Variants in NOP14 observed in about 807,000 individuals in gnomAD.
NOP14 encodes nucleolar protein 14.
A neutral mutation model predicts 101.6 loss-of-function variants in NOP14; 57 were observed. The ratio of observed to expected loss-of-function variants is 0.56; its 90% CI spans 0.45 to 0.70. NOP14 has a LOEUF of 0.70. NOP14 is among the 30% of genes least tolerant of loss of function. NOP14 has a pLI of 0.00. For missense variants in NOP14, 1,134 were observed against 1,075.5 expected (o/e 1.05, Z -0.76); for synonymous variants, 428 against 424.0 (o/e 1.01, Z -0.12).
intron 3 of NOP14, among the ~76,000 whole-genome samples, chr4:2,955,376 G>A (rs1250605699): frequency 2.6e-5 from 3 of 115,898 alleles, no homozygotes; most frequent in African/African-American, 1.0e-4. Context: ...GGACCACGGC[G>A]CCCCCTCTAG....
chr4:2,953,336 G>C (rs1715148034), intron 5 of NOP14, among the ~76,000 whole-genome samples, 175 bp downstream of exon 5: 2 of 152,146 alleles, frequency 1.3e-5, no homozygotes, highest in Non-Finnish European at 2.9e-5. Context: ...TCAAGTAACT[G>C]AATCTACTTC....
chr4:2,963,167 G>A lies in NOP14; in HGVS notation c.153C>T (p.Asp51=). The change falls in exon 1 of 18, where the codon GAC becomes GAT. Residue 51 remains aspartate, a synonymous_variant. Coordinates refer to ENST00000416614, the MANE Select transcript of NOP14 (RefSeq NM_001291978.2). ...FQILGRKTRH[D]VGLPGVSRAR... ...CGCGAGACACCCCGGGCAGTCCCAC[G>A]TCGTGGCGCGTCTTCCGGCCCAGGA... 6.3e-7 allele frequency: 1 copy of A among 1,579,296 alleles called. No homozygotes were observed. Among genetic ancestry groups the A allele is most frequent in the Middle Eastern group, 1.7e-4 (1 of 5,956 alleles).
At chr4:2,939,386 C>T (rs1443651785) in intron 16 of NOP14, 43 bp from the exon 17 acceptor site, 1 of 1,612,584 alleles carries the variant, frequency 6.2e-7, no homozygotes, top group East Asian at 2.2e-5. Context: ...GAGTCTGTCC[C>T]CACCTCTCAG....
intron 14 of NOP14, 120 bp downstream of exon 14, chr4:2,942,072 C>A: frequency 9.6e-7 from 1 of 1,037,114 alleles, no homozygotes; most frequent in South Asian, 1.7e-5. Context: ...CGGCCTCCAT[C>A]AAACCAAACG....
At position 2,963,335 on chromosome 4, in the gene NOP14, G is replaced by A. The variant is rs1286904730; in HGVS notation, c.-16C>T. 6.4e-7 allele frequency: 1 copy of A among 1,554,754 alleles called. No individual in the cohort carries two copies. Among genetic ancestry groups the A allele is most frequent in the African/African-American group, 1.4e-5 (1 of 70,666 alleles). On this transcript the variant is annotated 5_prime_UTR_variant, in exon 1 of 18. Coordinates refer to ENST00000416614, the MANE Select transcript of NOP14 (RefSeq NM_001291978.2). ...CCTTCGCCATGGCGCGCGCCCCGCT[G>A]CGCCCAAGGGCCCGAGACCCGAAGA...
At chr4:2,953,072 T>C (rs1314714340) in intron 5 of NOP14, among the ~76,000 whole-genome samples, 1 of 152,260 alleles carries the variant, frequency 6.6e-6, no homozygotes, top group East Asian at 1.9e-4. Flanking sequence ...TGCTGGGATC[T>C]AGACTTCTCT....
intron 1 of NOP14, among the ~76,000 whole-genome samples, chr4:2,958,375 G>A (rs1715490713): frequency 6.6e-6 from 1 of 152,246 alleles, no homozygotes; most frequent in Non-Finnish European, 1.5e-5. Context: ...AAAGAAAGCT[G>A]TGAGAGGACA....
intron 1 of NOP14, among the ~76,000 whole-genome samples, chr4:2,962,516 C>G (rs1716104669): frequency 6.6e-6 from 1 of 152,086 alleles, no homozygotes; most frequent in East Asian, 1.9e-4. Flanking sequence ...CAGAAGCGCT[C>G]GGGGTAGCAA....
Position 2,946,938 on chromosome 4 carries a change from C to T in NOP14, c.1500-391G>A, listed in dbSNP as rs530822625. 3.6e-5 allele frequency: 9 copies of T among 251,216 alleles called. No homozygotes were observed. The highest frequency in any genetic ancestry group is 3.3e-4 in the South Asian group (7 of 20,978). The allele number at this position is 251,216 out of a possible 1,614,324, so 15.6% of individuals were successfully genotyped here. ...GTGGAGAGCTCCGCGCGGCACAGGG[C>T]AGGAAGCTGGTGTGCACTCTCATGG... is the stretch of plus-strand genomic sequence containing the variant. On this transcript the variant is annotated intron_variant, in intron 10 of 17. Transcript: ENST00000416614.
chr4:2,959,360 A>G lies in NOP14; in HGVS notation c.196-1620T>C, dbSNP rs563156899. On this transcript the variant is annotated intron_variant, in intron 1 of 17. Transcript: ENST00000416614. ...GTAATTCCAGCACTCTGGGAGGCCA[A>G]GGCGGGCGGATCACGAGGTTAGAAG... Among the ~76,000 whole-genome samples, 21 of 152,318 alleles carry G rather than the reference A, an allele frequency of 1.4e-4. No individual in the cohort carries two copies. In the East Asian group the frequency reaches 2.3e-3, roughly 17 times the overall value.
chr4:2,961,315 G>GTTAGTATATTAATATATAGT (rs1361960929), intron 1 of NOP14: 6 of 4,694 alleles, frequency 1.3e-3, no homozygotes, highest in African/African-American at 3.8e-3. Context: ...ACTGATTTAA[G>GTTAGTATATTAATATATAGT]AACTACATTA....
rs539072536 is a variant in NOP14, at chr4:2,959,090, T to A, written c.196-1350A>T. On this transcript the variant is annotated intron_variant, in intron 1 of 17. Coordinates refer to ENST00000416614, the MANE Select transcript of NOP14 (RefSeq NM_001291978.2). ...ACTTTGAAATGTGAAAGTGCTATTA[T>A]TACACTTAAAATGCATGAAAAACCC... Among the ~76,000 whole-genome samples, 60 of 152,296 alleles carry A rather than the reference T, an allele frequency of 3.9e-4. 2 individuals carry two copies. Among genetic ancestry groups the A allele is most frequent in the South Asian group, 4.1e-4 (2 of 4,826 alleles).
rs1410031916 is a variant in NOP14 at position 2,941,481 on chromosome 4, T to G, written c.2199+101A>C. On this transcript the variant is annotated intron_variant, in intron 15 of 17. Coordinates refer to ENST00000416614, the MANE Select transcript of NOP14 (RefSeq NM_001291978.2). ...GTGATTTTGCAAAGATGGTGTTGAC[T>G]TACAGCTGCAGCATCAAATGACTGA... 7.2e-6 allele frequency: 8 copies of G among 1,107,936 alleles called. No individual in the cohort carries two copies. In the East Asian group the frequency reaches 1.5e-4, roughly 20 times the overall value. The allele number at this position is 1,107,936 out of a possible 1,614,324, so 68.6% of individuals were successfully genotyped here. A position where few individuals can be genotyped will look rare whatever the true frequency, so the allele number is the denominator to read the frequency against.
rs1254515624 is a variant in NOP14, at chr4:2,938,834, T to A, written c.2571A>T (p.Lys857Asn). The A allele has an allele frequency of 6.2e-7, 1 of 1,611,618 alleles. No homozygotes were observed. The highest frequency in any genetic ancestry group is 8.5e-7 in the Non-Finnish European group (1 of 1,178,014). The change falls in exon 18 of 18, where the codon AAA (lysine) becomes AAT (asparagine). Residue 857 changes from lysine (K) to asparagine (N), a missense_variant. Coordinates refer to ENST00000416614, the MANE Select transcript of NOP14 (RefSeq NM_001291978.2). ...TGCCTTATTTATAAAATGTAATTTA[T>A]TTTTTGAACTTTTTCCTCTTCAGAG... ...WKALKRKKFK[K>N]
chr4:2,950,521 CAGG>C (rs941422954), intron 7 of NOP14: 24 of 425,006 alleles, frequency 5.6e-5, no homozygotes, highest in Admixed American at 3.8e-4. Context: ...CGGGCTTTAG[CAGG>C]AGGAGTGTCT....
intron 1 of NOP14, among the ~76,000 whole-genome samples, chr4:2,958,364 T>C (rs1715489413): frequency 6.6e-6 from 1 of 152,236 alleles, no homozygotes; most frequent in Non-Finnish European, 1.5e-5. Context: ...TTGAATTCCC[T>C]AAAGAAAGCT....
rs1715073044 is a variant in NOP14 at position 2,952,256 on chromosome 4, T to G, written c.870+19A>C. 6.2e-7 allele frequency: 1 copy of G among 1,612,332 alleles called. No individual in the cohort carries two copies. The highest frequency in any genetic ancestry group is 1.1e-5 in the South Asian group (1 of 91,040). On this transcript the variant is annotated intron_variant, in intron 6 of 17. Transcript: ENST00000416614. Reference sequence around the variant, plus strand: ...ACGGACAGCAGCACAGCCCTGCTCCTGAGGTGCTGCCACCCTACCTCCAGC... The same window carrying G: ...ACGGACAGCAGCACAGCCCTGCTCCGGAGGTGCTGCCACCCTACCTCCAGC...
intron 3 of NOP14, among the ~76,000 whole-genome samples, chr4:2,955,062 C>T (rs1232550603): frequency 1.4e-5 from 2 of 139,962 alleles, no homozygotes; most frequent in Non-Finnish European, 3.1e-5. Flanking sequence ...GTCACCTGCA[C>T]GCCACGGCGC....
chr4:2,961,015 A>C (rs1276209686), intron 1 of NOP14, among the ~76,000 whole-genome samples: 1 of 94,358 alleles, frequency 1.1e-5, no homozygotes, highest in Non-Finnish European at 1.8e-5. Context: ...TTATATCAAT[A>C]TTATTATATT....
Sources: gnomAD v4.1 joint callset for allele counts (sites outside exome capture counted in the v4.1 genomes callset) on GRCh38, gnomAD v4.1.1 for gene constraint, MANE v1.5 for transcripts, NCBI Gene and HGNC (gene_info 2026-07-23, HGNC 2026-07-21) for gene names.